HOXA3: variants seen among roughly 807,000 people sequenced by gnomAD.
HOXA3 encodes the protein homeobox A3.
HOXA3 carries 8 observed loss-of-function variants against 30.3 expected under a neutral mutation model. The ratio of observed to expected loss-of-function variants is 0.26; its 90% CI spans 0.15 to 0.48. The LOEUF (loss-of-function observed/expected upper bound fraction) is 0.48. Ranked by LOEUF, HOXA3 falls within the 20% of genes least tolerant of loss-of-function variation. The pLI is 0.99. For synonymous variants in HOXA3, 323 were observed against 273.1 expected, an observed-to-expected ratio of 1.18 and a Z score of -1.80; for missense variants, 653 against 614.4, an observed-to-expected ratio of 1.06 and a Z score of -0.66.
At chr7:27,139,943 G>A (rs1782488608) in intron 2 of HOXA3, 140 bp downstream of exon 2, 1 of 151,382 alleles carries the variant, frequency 6.6e-6, no homozygotes, top group Non-Finnish European at 1.5e-5. Context: ...TGCTCTTTTG[G>A]GCAGAGGGAA....
intron 2 of HOXA3, 51 bp downstream of exon 2, chr7:27,140,032 A>AGAGAGAGAGAGAGAGAGAGAGAGAG (rs768977757): frequency 3.5e-4 from 49 of 138,190 alleles, no homozygotes; most frequent in East Asian, 1.1e-3. Flanking sequence ...AGAGAGAGAG[A>AGAGAGAGAGAGAGAGAGAGAGAGAG]AAGTTTCCAA....
At position 27,110,204 on chromosome 7, in the gene HOXA3, A is replaced by G. The variant is rs1784279469; in HGVS notation, c.437T>C (p.Leu146Pro). 1 of 1,612,874 alleles carries G rather than the reference A, an allele frequency of 6.2e-7. No individual in the cohort carries two copies. The highest frequency in any genetic ancestry group is 8.5e-7 in the Non-Finnish European group (1 of 1,179,836). ...TPANAAKSPL[L>P]NSPTVAKQIF... ...TTGTTTGGCCACTGTGGGTGAGTTG[A>G]GCAGGGGGCTCTTGGCCGCGTTGGC... Residue 146 changes from leucine to proline, a missense_variant, in exon 5 of 6, where the codon CTC (leucine) becomes CCC (proline). By Grantham distance (98) the Leu-to-Pro change is moderately conservative (BLOSUM62 -3). Transcript: ENST00000612286.
chr7:27,130,029 TCCCCTGAGCCTCTCC>T lies in HOXA3; in HGVS notation c.-389-2974_-389-2960del. The T allele has an allele frequency of 2.1e-6, 3 of 1,424,190 alleles. No homozygotes were observed. In the Admixed American group the frequency reaches 6.1e-5, roughly 29 times the overall value. 88.2% of individuals were successfully genotyped at this position (1,424,190 alleles called of 1,614,324 possible). ...GGGGGCTCCCCTCCCGAGGCCCCCT[TCCCCTGAGCCTCTCC>T]CTCCTGACCCCGACCCTCGAACCCA... is the stretch of plus-strand genomic sequence containing the variant. On this transcript the variant is annotated intron_variant, in intron 2 of 5. Transcript: ENST00000612286.
rs1210222291 is a variant in HOXA3, at chr7:27,107,904, C to G, written c.*11G>C. 1 of 1,542,312 alleles carries G rather than the reference C, an allele frequency of 6.5e-7. No individual in the cohort carries two copies. Among genetic ancestry groups the G allele is most frequent in the Non-Finnish European group, 8.8e-7 (1 of 1,137,964 alleles). On this transcript the variant is annotated 3_prime_UTR_variant, in exon 6 of 6. Transcript: ENST00000612286. The stretch of plus-strand genomic sequence containing the variant: ...GGGAGACTCTCCTGGCGCGTAGCCC[C>G]AAGCCCACTATCACAGGTGGGTGAG...
At chr7:27,147,852 A>T in intron 1 of HOXA3, 2 of 1,061,212 alleles carry the variant, frequency 1.9e-6, no homozygotes, top group Non-Finnish European at 2.6e-6. Context: ...GCCGAACGCC[A>T]AAAGCGACAG....
rs893959050 is a variant in HOXA3 at position 27,142,916 on chromosome 7, G to A, written c.-493-2730C>T. 11 of 842,640 alleles carry A rather than the reference G, an allele frequency of 1.3e-5. No individual in the cohort carries two copies. The African/African-American group carries it at 1.8e-4, about 14-fold the overall frequency. 52.2% of individuals were successfully genotyped at this position (842,640 alleles called of 1,614,324 possible). A position where few individuals can be genotyped will look rare whatever the true frequency, so the allele number is the denominator to read the frequency against. On this transcript the variant is annotated intron_variant, in intron 1 of 5. Transcript: ENST00000612286. ...AGGAGGAAGGCAGGGGAGGGAGAAC[G>A]GCAAGGAGAGCTCCGCAGGGCTGGG...
Position 27,118,708 on chromosome 7 carries a change from G to A in HOXA3, c.-121+3851C>T, listed in dbSNP as rs577287827. 9.2e-5 allele frequency among the ~76,000 whole-genome samples: 14 copies of A among 152,284 alleles called. No individual in the cohort carries two copies. In the South Asian group the frequency reaches 2.9e-3, roughly 32 times the overall value. ...ACTTTCCTTACAGCCTCCCACCCACGGACAAGCTGGATCCTGCACACCCAT... is the reference window on the plus strand; with the variant it reads ...ACTTTCCTTACAGCCTCCCACCCACAGACAAGCTGGATCCTGCACACCCAT... On this transcript the variant is annotated intron_variant, in intron 4 of 5. Coordinates refer to ENST00000612286, the MANE Select transcript of HOXA3 (RefSeq NM_153631.3).
chr7:27,117,578 G>C (rs1784788578), intron 4 of HOXA3, among the ~76,000 whole-genome samples: 1 of 152,140 alleles, frequency 6.6e-6, no homozygotes, highest in Non-Finnish European at 1.5e-5. Context: ...AGCATGCTCT[G>C]CAATCTGGCA....
rs1417844658 is a variant in HOXA3, at chr7:27,113,613, G to A, written c.-120-2853C>T. ...TTCAGCGCCGGGAGCGGCCGGTTGC[G>A]GCCCTGCTTACCTTAACTTCTGACG... On this transcript the variant is annotated intron_variant, in intron 4 of 5. Transcript: ENST00000612286. The surrounding 1 kb of genome is among the most constrained non-coding windows in gnomAD (Gnocchi z 4.8). 2 of 152,204 alleles carry A rather than the reference G, an allele frequency of 1.3e-5. No individual in the cohort carries two copies. Among genetic ancestry groups the A allele is most frequent in the Non-Finnish European group, 2.9e-5 (2 of 68,050 alleles). The allele number at this position is 152,204 out of a possible 1,614,324, so 9.4% of individuals were successfully genotyped here.
intron 2 of HOXA3, 82 bp downstream of exon 2, chr7:27,140,001 C>CAGAGAAAGAGAGAGAG (rs1782493528): frequency 7.0e-6 from 1 of 142,306 alleles, no homozygotes; most frequent in Non-Finnish European, 1.5e-5. Context: ...GTTATTGAAC[C>CAGAGAAAGAGAGAGAG]AGAGAGAGAG....
intron 1 of HOXA3, chr7:27,150,963 G>T (rs940434043): frequency 1.3e-5 from 2 of 152,378 alleles, no homozygotes; most frequent in African/African-American, 4.8e-5. Flanking sequence ...CGCCGGTCCC[G>T]GCGACGGCCA....
intron 1 of HOXA3, chr7:27,145,336 C>T (rs1782713628): frequency 2.8e-6 from 1 of 362,624 alleles, no homozygotes; most frequent in Non-Finnish European, 5.0e-6. Flanking sequence ...GAGCCCCAGA[C>T]GCATTCAGGG....
chr7:27,146,794 G>GA (rs949447257), intron 1 of HOXA3, among the ~76,000 whole-genome samples: 1 of 152,024 alleles, frequency 6.6e-6, no homozygotes, highest in Non-Finnish European at 1.5e-5. Flanking sequence ...GGAGGAGAGA[G>GA]AAAAAAATCC....
At chr7:27,124,708 C>T (rs1347818334) in intron 3 of HOXA3, 5 of 152,184 alleles carry the variant, frequency 3.3e-5, no homozygotes, top group South Asian at 2.1e-4. Flanking sequence ...TAATGAGTCA[C>T]GTGACCTCAA....
At position 27,130,428 on chromosome 7, in the gene HOXA3, A is replaced by G. The variant is rs899446312; in HGVS notation, c.-389-3358T>C. On this transcript the variant is annotated intron_variant, in intron 2 of 5. Transcript: ENST00000612286. ...CGGGGCTGGCGCCGCCGCGGTAGCCATAGGGGTAGGCGGTGTCCGCGGCCC... is the reference window on the plus strand; with the variant it reads ...CGGGGCTGGCGCCGCCGCGGTAGCCGTAGGGGTAGGCGGTGTCCGCGGCCC... 23 of 1,186,790 alleles carry G rather than the reference A, an allele frequency of 1.9e-5. No individual in the cohort carries two copies. The Admixed American group carries it at 6.9e-4, about 35-fold the overall frequency. The allele number at this position is 1,186,790 out of a possible 1,614,324, so 73.5% of individuals were successfully genotyped here.
intron 5 of HOXA3, among the ~76,000 whole-genome samples, chr7:27,109,691 T>C (rs1784249484): frequency 1.3e-5 from 2 of 152,236 alleles, no homozygotes; most frequent in Admixed American, 1.3e-4. Flanking sequence ...GGCAAAGCAT[T>C]GATTCTGTCT....
chr7:27,143,288 G>A, intron 1 of HOXA3: 1 of 1,603,620 alleles, frequency 6.2e-7, no homozygotes. Flanking sequence ...GGGCGAGGGG[G>A]CCACGGCGGA....
chr7:27,146,504 AT>A (rs370658712), intron 1 of HOXA3, among the ~76,000 whole-genome samples: 3 of 152,206 alleles, frequency 2.0e-5, no homozygotes, highest in African/African-American at 7.2e-5. Flanking sequence ...AAACATTATA[AT>A]TTTAACAATC....
At chr7:27,139,892 G>C (rs1036875816) in intron 2 of HOXA3, among the ~76,000 whole-genome samples, 191 bp downstream of exon 2, 10 of 152,292 alleles carry the variant, frequency 6.6e-5, no homozygotes, top group African/African-American at 2.4e-4. Flanking sequence ...GGCCACAGGC[G>C]CTGCTCACTC....
Sources: allele counts gnomAD v4.1 joint callset (sites outside exome capture counted in the v4.1 genomes callset), GRCh38; gene constraint gnomAD v4.1.1; non-coding constraint Gnocchi (gnomAD v3.1); transcripts MANE v1.5; gene names NCBI Gene and HGNC (gene_info 2026-07-23, HGNC 2026-07-21).